Variants in KCNH5 observed in about 807,000 individuals in gnomAD.
KCNH5 encodes voltage-gated delayed rectifier potassium channel KCNH5.
A neutral mutation model predicts 96.1 loss-of-function variants in KCNH5; 46 were observed. The ratio of observed to expected loss-of-function variants is 0.48; its 90% CI spans 0.38 to 0.61. The LOEUF is 0.61. KCNH5 is among the 20% of genes least tolerant of loss of function. The pLI is 0.00. For missense variants in KCNH5, 907 were observed against 1,225.8 expected, an observed-to-expected ratio of 0.74 and a Z score of 3.88; for synonymous variants, 439 against 449.8, an observed-to-expected ratio of 0.98 and a Z score of 0.30.
At chr14:63,017,926 A>G (rs1891355940) in intron 1 of KCNH5, among the ~76,000 whole-genome samples, 1 of 139,566 alleles carries the variant, frequency 7.2e-6, no homozygotes, top group Non-Finnish European at 1.6e-5. Context: ...TTTAACATTT[A>G]TTAAGTAGTT....
At chr14:62,884,094 G>A (rs1225232910) in intron 7 of KCNH5, among the ~76,000 whole-genome samples, 1 of 152,022 alleles carries the variant, frequency 6.6e-6, no homozygotes, top group Non-Finnish European at 1.5e-5. Flanking sequence ...TGCAGAAATG[G>A]GAAGTTTTCT....
chr14:62,850,779 A>G (rs565007513), intron 7 of KCNH5, among the ~76,000 whole-genome samples: 32 of 151,986 alleles, frequency 2.1e-4, no homozygotes, highest in African/African-American at 7.7e-4. Context: ...CTCTGGTTTC[A>G]CTCTCTTGTT....
At chr14:62,713,010 C>T (rs1884604678) in intron 10 of KCNH5, among the ~76,000 whole-genome samples, 1 of 152,178 alleles carries the variant, frequency 6.6e-6, no homozygotes, top group Non-Finnish European at 1.5e-5. Flanking sequence ...TGGACTCTGA[C>T]ATCAACCTTG....
At chr14:62,735,139 T>C (rs992741535) in intron 10 of KCNH5, among the ~76,000 whole-genome samples, 1 of 152,172 alleles carries the variant, frequency 6.6e-6, no homozygotes, top group African/African-American at 2.4e-5. Context: ...TCAGAGCTCT[T>C]GCAGGAAATA....
chr14:62,719,103 T>TGAAA (rs1373722652), intron 10 of KCNH5, among the ~76,000 whole-genome samples: 2 of 152,216 alleles, frequency 1.3e-5, no homozygotes, highest in Non-Finnish European at 1.5e-5. Flanking sequence ...CTGGGGATGA[T>TGAAA]GAAAATGTTC....
chr14:62,760,953 T>C (rs141253039), intron 10 of KCNH5, among the ~76,000 whole-genome samples: 214 of 152,370 alleles, frequency 1.4e-3, no homozygotes, highest in Admixed American at 2.5e-3. Flanking sequence ...CTTTCTATCA[T>C]ATAGACAGTC....
chr14:62,828,453 G>T (rs1231668890), intron 8 of KCNH5, among the ~76,000 whole-genome samples: 1 of 152,178 alleles, frequency 6.6e-6, no homozygotes, highest in Non-Finnish European at 1.5e-5. Flanking sequence ...TTGATTCACA[G>T]TTGCACATGA....
At chr14:62,795,685 A>G (rs1337566920) in intron 9 of KCNH5, among the ~76,000 whole-genome samples, 1 of 152,162 alleles carries the variant, frequency 6.6e-6, no homozygotes, top group African/African-American at 2.4e-5. Context: ...CTTTACTGAG[A>G]ACCTATTGAA....
intron 4 of KCNH5, among the ~76,000 whole-genome samples, chr14:62,995,705 C>A (rs947293773): frequency 2.0e-5 from 3 of 152,110 alleles, no homozygotes; most frequent in African/African-American, 7.2e-5. Context: ...GCACTCCACT[C>A]TTCTCACACC....
In KCNH5 at chr14:62,704,078, G is replaced by A. The variant is rs993515795; in HGVS notation, c.*3430C>T. ...GTGATTTTCATTTGGGCTCCAATAA[G>A]GTTAATTTTGATAATGGTACTTTAG... On this transcript the variant is annotated 3_prime_UTR_variant, in exon 11 of 11. Coordinates refer to ENST00000322893, the MANE Select transcript of KCNH5 (RefSeq NM_139318.5). 2 of 151,694 alleles carry A rather than the reference G, an allele frequency of 1.3e-5. No homozygotes were observed. The highest frequency in any genetic ancestry group is 4.8e-5 in the African/African-American group (2 of 41,366). 9.4% of individuals were successfully genotyped at this position (151,694 alleles called of 1,614,324 possible). A position where few individuals can be genotyped will look rare whatever the true frequency, so the allele number is the denominator to read the frequency against.
intron 6 of KCNH5, among the ~76,000 whole-genome samples, chr14:62,960,710 C>T (rs1480413166): frequency 1.3e-5 from 2 of 152,218 alleles, no homozygotes; most frequent in South Asian, 2.1e-4. Context: ...TTATCTGAAC[C>T]TCTAACCCAG....
At chr14:62,853,508 A>G (rs1214768719) in intron 7 of KCNH5, among the ~76,000 whole-genome samples, 1 of 70,164 alleles carries the variant, frequency 1.4e-5, no homozygotes, top group Admixed American at 1.2e-4. Context: ...TTGGCCACAT[A>G]TAATCATAGC....
In KCNH5 at chr14:62,918,560, C is replaced by T. The variant is rs372065727; in HGVS notation, c.1369+31573G>A. Among the ~76,000 whole-genome samples the T allele has an allele frequency of 1.1e-4, 16 of 151,962 alleles. 1 individual carries two copies. In the East Asian group the frequency reaches 1.3e-3, roughly 13 times the overall value. ...AAAAGAAACAGCATACTAATAAAAA[C>T]AATGGATAGAGGACATAGTAGGCAA... On this transcript the variant is annotated intron_variant, in intron 7 of 10. Transcript: ENST00000322893.
At chr14:62,840,492 G>A (rs1887554172) in intron 8 of KCNH5, among the ~76,000 whole-genome samples, 1 of 151,152 alleles carries the variant, frequency 6.6e-6, no homozygotes, top group Non-Finnish European at 1.5e-5. Context: ...TGAACCAGAT[G>A]CATCTCTTTC....
At chr14:62,721,002 T>C (rs753924049) in intron 10 of KCNH5, among the ~76,000 whole-genome samples, 5 of 152,226 alleles carry the variant, frequency 3.3e-5, no homozygotes, top group Admixed American at 6.5e-5. Context: ...GACTGGTCTA[T>C]AGCAGTGATG....
chr14:62,940,642 G>A (rs1221098370), intron 7 of KCNH5, among the ~76,000 whole-genome samples: 1 of 152,176 alleles, frequency 6.6e-6, no homozygotes, highest in Non-Finnish European at 1.5e-5. Context: ...AAAGGGCCAA[G>A]CTATTTGATG....
At chr14:62,921,182 G>A (rs1194789575) in intron 7 of KCNH5, among the ~76,000 whole-genome samples, 1 of 152,084 alleles carries the variant, frequency 6.6e-6, no homozygotes, top group African/African-American at 2.4e-5. Flanking sequence ...GTCAAATGTG[G>A]TTCAGCATGT....
At chr14:62,966,381 CA>C (rs544127006) in intron 6 of KCNH5, among the ~76,000 whole-genome samples, 58 of 152,296 alleles carry the variant, frequency 3.8e-4, no homozygotes, top group African/African-American at 1.3e-3. Context: ...GTTTGTGTAG[CA>C]GTCCAAAGAG....
At position 62,891,529 on chromosome 14, in the gene KCNH5, C is replaced by A. The variant is rs138413077; in HGVS notation, c.1370-41677G>T. On this transcript the variant is annotated intron_variant, in intron 7 of 10. Coordinates refer to ENST00000322893, the MANE Select transcript of KCNH5 (RefSeq NM_139318.5). ...GACATGAGTTTACCTATGTAACAAA[C>A]CTTCATATGGACCCCCAAACCTAAA... Among the ~76,000 whole-genome samples the A allele has an allele frequency of 3.8e-3, 582 of 151,954 alleles. 3 individuals are homozygous for A. The highest frequency in any genetic ancestry group is 0.013 in the African/African-American group (524 of 41,438).
Sources: gnomAD v4.1 joint callset for allele counts (sites outside exome capture counted in the v4.1 genomes callset) on GRCh38, gnomAD v4.1.1 for gene constraint, MANE v1.5 for transcripts, NCBI Gene and HGNC (gene_info 2026-07-23, HGNC 2026-07-21) for gene names.